Variants in RAB38 observed in about 807,000 individuals in gnomAD.
RAB38 encodes ras-related protein Rab-38.
RAB38 carries 15 observed loss-of-function variants against 18.4 expected under a neutral mutation model. That is an observed-to-expected ratio of 0.82 (90% CI 0.55 to 1.26). The LOEUF is 1.26. Ranked by LOEUF, RAB38 falls within the 50% of genes most tolerant of loss-of-function variation. The pLI, the probability that RAB38 is intolerant of heterozygous loss-of-function variation, is 0.00. For missense variants in RAB38, 294 were observed against 267.4 expected, an observed-to-expected ratio of 1.10 and a Z score of -0.69; for synonymous variants, 101 against 104.4, an observed-to-expected ratio of 0.97 and a Z score of 0.20.
At chr11:88,027,755 G>C in the RAB38 span, among the ~76,000 whole-genome samples, 1 of 152,240 alleles carries the variant, frequency 6.6e-6, no homozygotes, top group Non-Finnish European at 1.5e-5. Flanking sequence ...ACAGCTCAAG[G>C]AGGCCTGCCT....
At chr11:88,008,830 C>T in the RAB38 span, among the ~76,000 whole-genome samples, 3 of 152,144 alleles carry the variant, frequency 2.0e-5, no homozygotes, top group Admixed American at 6.5e-5. Context: ...CCTGCCACCA[C>T]GCCCGGCTAA....
chr11:88,159,434 CA>C (rs1943163297), intron 1 of RAB38, among the ~76,000 whole-genome samples: 1 of 151,558 alleles, frequency 6.6e-6, no homozygotes, highest in Non-Finnish European at 1.5e-5. Flanking sequence ...CATCCAATGC[CA>C]TTCCTATCAA....
At chr11:87,934,330 C>T in the RAB38 span, among the ~76,000 whole-genome samples, 1 of 152,064 alleles carries the variant, frequency 6.6e-6, no homozygotes, top group African/African-American at 2.4e-5. Flanking sequence ...AACTTTCGAT[C>T]CCCCTTTGGT....
At chr11:88,038,576 C>G in the RAB38 span, among the ~76,000 whole-genome samples, 2 of 152,188 alleles carry the variant, frequency 1.3e-5, no homozygotes, top group African/African-American at 2.4e-5. Context: ...TCTGAGCACA[C>G]TAAACTTACT....
the RAB38 span, among the ~76,000 whole-genome samples, chr11:87,857,829 T>C: frequency 3.9e-5 from 6 of 152,308 alleles, no homozygotes; most frequent in South Asian, 1.2e-3. Flanking sequence ...TTCACTCTGA[T>C]GGTGGTTTCT....
At chr11:87,841,755 CT>C in the RAB38 span, among the ~76,000 whole-genome samples, 5 of 152,106 alleles carry the variant, frequency 3.3e-5, no homozygotes, top group Admixed American at 6.6e-5. Context: ...CATCTAGATA[CT>C]TTGGAGGATA....
the RAB38 span, among the ~76,000 whole-genome samples, chr11:87,926,410 C>T: frequency 3.3e-5 from 5 of 152,132 alleles, no homozygotes; most frequent in South Asian, 8.3e-4. Flanking sequence ...CATCGACTTC[C>T]GGAAAGTGAG....
At chr11:88,170,213 C>T (rs1943293827) in intron 1 of RAB38, among the ~76,000 whole-genome samples, 1 of 152,196 alleles carries the variant, frequency 6.6e-6, no homozygotes, top group Non-Finnish European at 1.5e-5. Context: ...CCCGTAAGAA[C>T]ATAGCATGTT....
At chr11:88,054,749 T>C in the RAB38 span, among the ~76,000 whole-genome samples, 1 of 152,230 alleles carries the variant, frequency 6.6e-6, no homozygotes, top group Non-Finnish European at 1.5e-5. Flanking sequence ...CAAAGATATA[T>C]ACGGTTTTCA....
At chr11:87,862,474 CAT>C in the RAB38 span, among the ~76,000 whole-genome samples, 3 of 151,772 alleles carry the variant, frequency 2.0e-5, no homozygotes, top group African/African-American at 7.3e-5. Context: ...CACATGGACA[CAT>C]AGAAAGGAAC....
the RAB38 span, among the ~76,000 whole-genome samples, chr11:87,855,084 C>T: frequency 1.2e-4 from 18 of 152,236 alleles, no homozygotes; most frequent in Non-Finnish European, 2.4e-4. Flanking sequence ...CATGAGCCAC[C>T]GCGCCTGGCC....
the RAB38 span, among the ~76,000 whole-genome samples, chr11:88,084,575 T>A: frequency 6.6e-6 from 1 of 151,872 alleles, no homozygotes; most frequent in African/African-American, 2.4e-5. Context: ...TTACTAATTC[T>A]GTTTTGATTA....
chr11:87,805,319 C>G, the RAB38 span, among the ~76,000 whole-genome samples: 4 of 152,006 alleles, frequency 2.6e-5, no homozygotes, highest in African/African-American at 9.7e-5. Flanking sequence ...TATGCATATA[C>G]ACATATTCAC....
intron 2 of RAB38, among the ~76,000 whole-genome samples, chr11:88,122,562 A>G (rs1176270123): frequency 6.6e-6 from 1 of 152,214 alleles, no homozygotes; most frequent in Non-Finnish European, 1.5e-5. Flanking sequence ...ATTATTGAAC[A>G]CTTAGGCACC....
chr11:87,803,900 C>G, the RAB38 span, among the ~76,000 whole-genome samples: 1 of 152,254 alleles, frequency 6.6e-6, no homozygotes, highest in Non-Finnish European at 1.5e-5. Context: ...GAATAACTTT[C>G]TGTGGCCCAT....
At chr11:88,059,542 A>G in the RAB38 span, among the ~76,000 whole-genome samples, 3,131 of 152,338 alleles carry the variant, frequency 0.021, 104 homozygotes, top group African/African-American at 0.07. Flanking sequence ...TTGTTAGAGG[A>G]AACTACTTTG....
chr11:88,096,243 C>A, the RAB38 span, among the ~76,000 whole-genome samples: 1 of 151,918 alleles, frequency 6.6e-6, no homozygotes, highest in Admixed American at 6.6e-5. Context: ...TCACATTGAC[C>A]TCTTTACAGT....
chr11:87,856,417 A>G, the RAB38 span, among the ~76,000 whole-genome samples: 9 of 152,228 alleles, frequency 5.9e-5, no homozygotes, highest in African/African-American at 1.9e-4. Context: ...GCTAACGCAC[A>G]TTGGATTGTG....
At chr11:87,811,327 A>T in the RAB38 span, among the ~76,000 whole-genome samples, 1 of 152,166 alleles carries the variant, frequency 6.6e-6, no homozygotes, top group Non-Finnish European at 1.5e-5. Flanking sequence ...TCATCAAGAG[A>T]GTGTCTCTCC....
Sources: allele counts gnomAD v4.1 joint callset (sites outside exome capture counted in the v4.1 genomes callset), GRCh38; gene constraint gnomAD v4.1.1; transcripts MANE v1.5; gene names NCBI Gene and HGNC (gene_info 2026-07-23, HGNC 2026-07-21).